NRXN1: variants seen among roughly 807,000 people sequenced by gnomAD.
NRXN1 encodes neurexin 1.
NRXN1 carries 39 observed loss-of-function variants against 150.9 expected under a neutral mutation model. The observed-to-expected ratio is 0.26, with a 90% CI of 0.20 to 0.34. NRXN1 has a LOEUF of 0.34. NRXN1 is among the 10% of genes least tolerant of loss of function. NRXN1 has a pLI of 1.00. For synonymous variants in NRXN1, 924 were observed against 757.0 expected (o/e 1.22, Z -3.62); for missense variants, 1,815 against 1,949.9 (o/e 0.93, Z 1.30).
At chr2:50,555,500 A>G (rs1414613854) in intron 8 of NRXN1, among the ~76,000 whole-genome samples, 1 of 152,166 alleles carries the variant, frequency 6.6e-6, no homozygotes. Flanking sequence ...AAGGTTAGCC[A>G]TGCATCTCTC....
At chr2:50,073,513 T>A (rs549862079) in intron 19 of NRXN1, among the ~76,000 whole-genome samples, 1 of 152,302 alleles carries the variant, frequency 6.6e-6, no homozygotes, top group African/African-American at 2.4e-5. Flanking sequence ...TTTTCCATGA[T>A]CCAGACTTAC....
intron 17 of NRXN1, among the ~76,000 whole-genome samples, chr2:50,266,049 A>G (rs1368190081): frequency 1.4e-5 from 2 of 144,876 alleles, no homozygotes; most frequent in Non-Finnish European, 3.0e-5. Flanking sequence ...CCCAGGCTGG[A>G]GTGCAGTGGC....
chr2:50,351,394 T>C (rs974737924), intron 17 of NRXN1, among the ~76,000 whole-genome samples: 18 of 152,178 alleles, frequency 1.2e-4, no homozygotes, highest in African/African-American at 4.3e-4. Context: ...GCTACTATCA[T>C]CTCTAATTAT....
intron 17 of NRXN1, among the ~76,000 whole-genome samples, chr2:50,396,368 C>T (rs552978133): frequency 2.6e-5 from 4 of 152,126 alleles, no homozygotes; most frequent in Non-Finnish European, 5.9e-5. Context: ...TGAATCAGAA[C>T]TATTTGTGAT....
chr2:50,474,920 T>A (rs1302256794), intron 15 of NRXN1, among the ~76,000 whole-genome samples: 3 of 136,254 alleles, frequency 2.2e-5, no homozygotes, highest in African/African-American at 8.1e-5. Context: ...GGAACTAAAA[T>A]TGCCTGAGAT....
chr2:49,952,055 G>A (rs1674064384), intron 21 of NRXN1, among the ~76,000 whole-genome samples: 1 of 151,832 alleles, frequency 6.6e-6, no homozygotes, highest in Admixed American at 6.6e-5. Context: ...TACATATTGG[G>A]AAACTGAAGC....
Position 50,417,221 on chromosome 2 carries a change from C to T in NRXN1, c.3364+48221G>A, listed in dbSNP as rs576842402. On this transcript the variant is annotated intron_variant, in intron 17 of 22. Transcript: ENST00000401669. The stretch of plus-strand genomic sequence containing the variant: ...GCCTGCCTCCTCAACCCATCCTCCA[C>T]AAGATTGAGAAAAGGAAGACAGTGT... 5 of 152,174 alleles carry T rather than the reference C, an allele frequency of 3.3e-5. No individual in the cohort carries two copies. The East Asian group carries it at 9.7e-4, about 29-fold the overall frequency. 9.4% of individuals were successfully genotyped at this position (152,174 alleles called of 1,614,324 possible).
intron 17 of NRXN1, among the ~76,000 whole-genome samples, chr2:50,345,236 T>C (rs1345849445): frequency 6.6e-6 from 1 of 152,162 alleles, no homozygotes; most frequent in Non-Finnish European, 1.5e-5. Context: ...GGGATGTGTT[T>C]TTTCTAGTAT....
intron 21 of NRXN1, among the ~76,000 whole-genome samples, chr2:49,982,263 T>C (rs930028295): frequency 6.6e-6 from 1 of 152,148 alleles, no homozygotes; most frequent in African/African-American, 2.4e-5. Context: ...TCGATTCAAT[T>C]TGGGCCTTGA....
chr2:49,948,510 C>A (rs1005471597), intron 21 of NRXN1, among the ~76,000 whole-genome samples: 8 of 151,902 alleles, frequency 5.3e-5, no homozygotes, highest in Admixed American at 3.3e-4. Context: ...AAATTAAAAA[C>A]CAGCAACAAT....
intron 17 of NRXN1, among the ~76,000 whole-genome samples, chr2:50,244,888 T>C (rs1242890753): frequency 6.6e-6 from 1 of 151,844 alleles, no homozygotes; most frequent in African/African-American, 2.4e-5. Flanking sequence ...GTGATAATAT[T>C]AAAAGCACTG....
At chr2:50,586,698 G>A (rs1346406798) in intron 8 of NRXN1, among the ~76,000 whole-genome samples, 5 of 152,092 alleles carry the variant, frequency 3.3e-5, no homozygotes, top group African/African-American at 9.7e-5. Context: ...AGTTCAGTGA[G>A]AGGTCTTCTG....
intron 15 of NRXN1, among the ~76,000 whole-genome samples, chr2:50,484,700 A>G (rs10221944): frequency 0.056 from 8,536 of 152,234 alleles, 833 homozygotes; most frequent in African/African-American, 0.19. Flanking sequence ...GTTTGAGGAG[A>G]ACTTCAGGGG....
chr2:50,215,287 T>A (rs1334248236), intron 18 of NRXN1, among the ~76,000 whole-genome samples: 1 of 151,998 alleles, frequency 6.6e-6, no homozygotes, highest in Admixed American at 6.6e-5. Context: ...GAATGTTACA[T>A]CCTTATTACA....
At position 50,230,223 on chromosome 2, in the gene NRXN1, T is replaced by C. The variant is rs528287394; in HGVS notation, c.3546+6566A>G. 4.6e-5 allele frequency among the ~76,000 whole-genome samples: 7 copies of C among 152,082 alleles called. No homozygotes were observed. In the South Asian group the frequency reaches 1.5e-3, roughly 32 times the overall value. On this transcript the variant is annotated intron_variant, in intron 18 of 22. Transcript: ENST00000401669. ...CTGTTCAATGACTGAGTCAAATCTA[T>C]ATAGTGAGAGAGAATGGGAAGAAAT...
intron 21 of NRXN1, among the ~76,000 whole-genome samples, chr2:49,950,597 CAAATAACTCTTT>C (rs1558567165): frequency 6.6e-6 from 1 of 151,918 alleles, no homozygotes. Context: ...GGCAAATGAA[CAAATAACTCTTT>C]AATACAAATA....
chr2:50,100,924 G>C (rs1523355), intron 18 of NRXN1, among the ~76,000 whole-genome samples: 1 of 151,682 alleles, frequency 6.6e-6, no homozygotes, highest in Non-Finnish European at 1.5e-5. Flanking sequence ...GTGGCCTATG[G>C]AACCTTCTTA....
At chr2:50,189,985 G>C (rs950544634) in intron 18 of NRXN1, among the ~76,000 whole-genome samples, 2 of 152,036 alleles carry the variant, frequency 1.3e-5, no homozygotes, top group Non-Finnish European at 1.5e-5. Flanking sequence ...TGAATGAAGT[G>C]GTATGAGATT....
chr2:50,285,499 G>A (rs2072025970), intron 17 of NRXN1, among the ~76,000 whole-genome samples: 1 of 152,154 alleles, frequency 6.6e-6, no homozygotes, highest in African/African-American at 2.4e-5. Context: ...GAATGTGGGA[G>A]GAGATTGGAA....
Sources: gnomAD v4.1 joint callset for allele counts (sites outside exome capture counted in the v4.1 genomes callset) on GRCh38, gnomAD v4.1.1 for gene constraint, MANE v1.5 for transcripts, NCBI Gene and HGNC (gene_info 2026-07-23, HGNC 2026-07-21) for gene names.